ABCA12: variants seen among roughly 807,000 people sequenced by gnomAD.
ABCA12 encodes the protein glucosylceramide transporter ABCA12.
In ABCA12, 156 loss-of-function variants were observed where a neutral mutation model predicts 293.5. The observed-to-expected ratio is 0.53, with a 90% confidence interval of 0.47 to 0.61. The LOEUF is 0.61. ABCA12 is among the 20% of genes least tolerant of loss of function. The pLI is 0.00. For synonymous variants in ABCA12, 1,063 were observed against 1,108.0 expected, an observed-to-expected ratio of 0.96 and a Z score of 0.81; for missense variants, 2,797 against 3,090.2, an observed-to-expected ratio of 0.91 and a Z score of 2.25.
intron 2 of ABCA12, among the ~76,000 whole-genome samples, chr2:215,072,050 G>A (rs979880615): frequency 2.6e-5 from 4 of 152,206 alleles, no homozygotes; most frequent in African/African-American, 4.8e-5. Context: ...CAAAAAGGTA[G>A]ACTGTAGGTG....
At position 214,955,378 on chromosome 2, in the gene ABCA12, C is replaced by A; in HGVS notation, c.6234-17G>T. On this transcript the variant is annotated splice_polypyrimidine_tract_variant and intron_variant, in intron 42 of 52. Coordinates refer to ENST00000272895, the MANE Select transcript of ABCA12 (RefSeq NM_173076.3). Reference sequence around the variant, plus strand: ...GTTGCATACCTGCAGGTTAAAAACACAAAGAATTAAAATTACGCCTCGGCC... The same window carrying A: ...GTTGCATACCTGCAGGTTAAAAACAAAAAGAATTAAAATTACGCCTCGGCC... The A allele has an allele frequency of 6.2e-7, 1 of 1,613,792 alleles. No individual in the cohort carries two copies. Among genetic ancestry groups the A allele is most frequent in the East Asian group, 2.2e-5 (1 of 44,810 alleles).
chr2:214,941,529 G>C (rs1698401634), intron 50 of ABCA12, among the ~76,000 whole-genome samples: 1 of 152,044 alleles, frequency 6.6e-6, no homozygotes, highest in Non-Finnish European at 1.5e-5. Context: ...TTGTTGATCT[G>C]TCTAATATTG....
rs1559213978 is a variant in ABCA12, at chr2:215,134,462, G to GTATATGTGTATATATACGTATATATGTA, written c.69+3677_69+3678insTACATATATACGTATATATACACATATA. Among the ~76,000 whole-genome samples the GTATATGTGTATATATACGTATATATGTA allele has an allele frequency of 1.0e-3, 132 of 132,512 alleles. 3 individuals carry two copies. Among genetic ancestry groups the GTATATGTGTATATATACGTATATATGTA allele is most frequent in the African/African-American group, 3.9e-3 (129 of 33,452 alleles). 86.9% of individuals were successfully genotyped at this position (132,512 alleles called of 152,430 possible). On this transcript the variant is annotated intron_variant, in intron 1 of 52. Coordinates refer to ENST00000272895, the MANE Select transcript of ABCA12 (RefSeq NM_173076.3). ...TATATACGTATATATGTACATATATGCATATGTGTATGTGTATATATACGT... is the reference window on the plus strand; with the variant it reads ...TATATACGTATATATGTACATATATGTATATGTGTATATATACGTATATATGTACATATGTGTATGTGTATATATACGT...
chr2:215,001,765 A>C (rs1347504052), intron 20 of ABCA12, 28 bp from the exon 21 acceptor site: 1 of 1,603,896 alleles, frequency 6.2e-7, no homozygotes, highest in South Asian at 1.1e-5. Context: ...AAGAGACAAA[A>C]AAAAATTATG....
chr2:214,951,661 G>C lies in ABCA12; in HGVS notation c.6648-578C>G, dbSNP rs541858784. On this transcript the variant is annotated intron_variant, in intron 44 of 52. Coordinates refer to ENST00000272895, the MANE Select transcript of ABCA12 (RefSeq NM_173076.3). ...AGTCCCAGCTACTCAGAAGGCTGAG[G>C]CAGGAGAATTGCTTGAACCTGGGAG... Among the ~76,000 whole-genome samples, 503 of 152,298 alleles carry C rather than the reference G, an allele frequency of 3.3e-3. 5 individuals carry two copies. Among genetic ancestry groups the C allele is most frequent in the Non-Finnish European group, 2.7e-3 (183 of 68,032 alleles).
intron 39 of ABCA12, among the ~76,000 whole-genome samples, chr2:214,965,300 T>C (rs1483701278): frequency 6.6e-6 from 1 of 152,132 alleles, no homozygotes; most frequent in Non-Finnish European, 1.5e-5. Context: ...GGCAATACCA[T>C]TCGGGACATA....
At chr2:215,113,981 C>T (rs1320823897) in intron 1 of ABCA12, among the ~76,000 whole-genome samples, 1 of 151,922 alleles carries the variant, frequency 6.6e-6, no homozygotes, top group Non-Finnish European at 1.5e-5. Context: ...CATAAACTTG[C>T]TTTTTTTTCT....
intron 2 of ABCA12, among the ~76,000 whole-genome samples, chr2:215,090,614 G>C (rs570432030): frequency 6.6e-6 from 1 of 152,082 alleles, no homozygotes; most frequent in Non-Finnish European, 1.5e-5. Flanking sequence ...CGAGAAGACA[G>C]TCTTCCCTTG....
At position 215,015,560 on chromosome 2, in the gene ABCA12, C is replaced by T. The variant is rs774708119; in HGVS notation, c.1886G>A (p.Arg629Lys). 6.2e-7 allele frequency: 1 copy of T among 1,613,954 alleles called. No individual in the cohort carries two copies. Among genetic ancestry groups the T allele is most frequent in the Non-Finnish European group, 8.5e-7 (1 of 1,179,998 alleles). The change falls in exon 15 of 53, where the codon AGA becomes AAA. Residue 629 changes from arginine to lysine, a missense_variant. Arg to Lys is a conservative substitution (Grantham distance 26). Transcript: ENST00000272895. ...KEFCNLSLSE[R>K]SRQSYLIGLT... ...TCCGATGAGGTAAGACTGCCGGGATCTCTCTGAAAGAGACAGGTTGCAGAA... is the reference window on the plus strand; with the variant it reads ...TCCGATGAGGTAAGACTGCCGGGATTTCTCTGAAAGAGACAGGTTGCAGAA...
chr2:215,108,935 G>A lies in ABCA12; in HGVS notation c.163+2662C>T, dbSNP rs554540071. Among the ~76,000 whole-genome samples the A allele has an allele frequency of 2.2e-3, 331 of 152,168 alleles. 3 individuals are homozygous for A. Among genetic ancestry groups the A allele is most frequent in the Non-Finnish European group, 3.7e-3 (249 of 68,010 alleles). On this transcript the variant is annotated intron_variant, in intron 2 of 52. Transcript: ENST00000272895. ...ATACAAAAATTAGCCAGGTGTGGTGGTGGGCTCCTGTAATCCCAGCTACTC... is the reference window on the plus strand; with the variant it reads ...ATACAAAAATTAGCCAGGTGTGGTGATGGGCTCCTGTAATCCCAGCTACTC...
In ABCA12 at chr2:214,986,745, G is replaced by A. The variant is rs760859860; in HGVS notation, c.3977-17C>T. 29 of 1,612,614 alleles carry A rather than the reference G, an allele frequency of 1.8e-5. No individual in the cohort carries two copies. The Admixed American group carries it at 2.2e-4, about 12-fold the overall frequency. ...ATTCAGGACCTGGAGAGAAATCAAG[G>A]GAAGAGTTGTAAACTCACAAGTAAG... On this transcript the variant is annotated splice_polypyrimidine_tract_variant and intron_variant, in intron 27 of 52. Coordinates refer to ENST00000272895, the MANE Select transcript of ABCA12 (RefSeq NM_173076.3).
At chr2:215,027,527 A>G (rs1700776075) in intron 9 of ABCA12, among the ~76,000 whole-genome samples, 1 of 152,134 alleles carries the variant, frequency 6.6e-6, no homozygotes, top group South Asian at 2.1e-4. Flanking sequence ...ATTTCTAGGC[A>G]CACTTACATG....
At chr2:214,952,222 GTTT>G (rs34809500) in intron 44 of ABCA12, among the ~76,000 whole-genome samples, 377 of 125,356 alleles carry the variant, frequency 3.0e-3, no homozygotes, top group African/African-American at 8.4e-3. Flanking sequence ...TTTTTTTGTT[GTTT>G]TTTTTTTTTT....
chr2:215,007,990 C>A, intron 18 of ABCA12, 144 bp from the exon 19 acceptor site: 1 of 1,072,268 alleles, frequency 9.3e-7, no homozygotes, highest in South Asian at 1.5e-5. Context: ...CAGAAATTTC[C>A]CACATGGTCA....
intron 31 of ABCA12, among the ~76,000 whole-genome samples, chr2:214,979,787 C>G (rs1699606656): frequency 6.6e-6 from 1 of 152,022 alleles, no homozygotes; most frequent in Admixed American, 6.6e-5. Context: ...AAGAGTATAA[C>G]TATTAATAGC....
intron 2 of ABCA12, among the ~76,000 whole-genome samples, chr2:215,107,900 A>G (rs1038240343): frequency 1.5e-4 from 23 of 152,210 alleles, no homozygotes; most frequent in Non-Finnish European, 3.4e-4. Context: ...GGGGCATCTC[A>G]CTGATGAGAG....
rs141700130 is a variant in ABCA12 at position 215,054,636 on chromosome 2, C to A, written c.346G>T (p.Asp116Tyr). 2.6e-5 allele frequency: 42 copies of A among 1,612,018 alleles called. 1 individual carries two copies. The highest frequency in any genetic ancestry group is 1.7e-4 in the Middle Eastern group (1 of 6,042). The change falls in exon 4 of 53, where the codon GAT becomes TAT. Residue 116 changes from aspartate to tyrosine, a missense_variant. This residue lies in a region of ABCA12 where 656 missense variants were observed against 638.2 expected (regional missense o/e 1.03). Transcript: ENST00000272895. ...SEILRKSSNLDKDSSLSFQST... is the reference protein window; with the variant it reads ...SEILRKSSNLYKDSSLSFQST... ...TGGAATGATAAACTGCTGTCCTTAT[C>A]CAGGTTGGATGACTTTCTCAGAATC...
rs770338664 is a variant in ABCA12, at chr2:215,064,227, T to TA, written c.164-9dup. ...TTCGAGGTGCGAGGTAACCTAAAATTAAAAAAACAGTCATTACATCAGTAT... is the reference window on the plus strand; with the variant it reads ...TTCGAGGTGCGAGGTAACCTAAAATTAAAAAAAACAGTCATTACATCAGTAT... On this transcript the variant is annotated splice_polypyrimidine_tract_variant and intron_variant, in intron 2 of 52. Transcript: ENST00000272895. 2.0e-5 allele frequency: 32 copies of TA among 1,611,540 alleles called. No individual in the cohort carries two copies. Among genetic ancestry groups the TA allele is most frequent in the East Asian group, 1.3e-4 (6 of 44,736 alleles).
intron 33 of ABCA12, among the ~76,000 whole-genome samples, chr2:214,976,814 T>C (rs535707913): frequency 6.6e-6 from 1 of 152,304 alleles, no homozygotes; most frequent in African/African-American, 2.4e-5. Flanking sequence ...AAACCATTGC[T>C]TCCTCAATAG....
Sources: allele counts gnomAD v4.1 joint callset (sites outside exome capture counted in the v4.1 genomes callset), GRCh38; gene constraint gnomAD v4.1.1; regional missense constraint gnomAD v4.1.1; transcripts MANE v1.5; gene names NCBI Gene and HGNC (gene_info 2026-07-23, HGNC 2026-07-21).